RMST: variants seen among roughly 807,000 people sequenced by gnomAD.
RMST encodes the protein rhabdomyosarcoma 2 associated transcript, also known as long intergenic non-protein coding RNA 54.
At chr12:97,514,817 G>T (rs1307359894) in intron 10 of RMST, among the ~76,000 whole-genome samples, 4 of 152,104 alleles carry the variant, frequency 2.6e-5, no homozygotes, top group African/African-American at 4.8e-5. Flanking sequence ...AATTAATAAT[G>T]AAGTTAATGA....
chr12:97,548,213 G>T (rs1883076108), intron 11 of RMST, among the ~76,000 whole-genome samples: 1 of 151,954 alleles, frequency 6.6e-6, no homozygotes, highest in Non-Finnish European at 1.5e-5. Flanking sequence ...AAATGGGTGG[G>T]TTTATTTCTG....
intron 10 of RMST, among the ~76,000 whole-genome samples, chr12:97,500,674 T>G (rs563445498): frequency 6.6e-6 from 1 of 152,294 alleles, no homozygotes; most frequent in African/African-American, 2.4e-5. Flanking sequence ...GATATTATGA[T>G]ATGCATTTTG....
chr12:97,469,963 T>C (rs570755352), intron 5 of RMST, among the ~76,000 whole-genome samples: 8 of 152,250 alleles, frequency 5.3e-5, no homozygotes, highest in African/African-American at 1.9e-4. Context: ...AACTGTATCA[T>C]TGTCTATTTC....
At chr12:97,531,183 A>T (rs1311734116) in intron 11 of RMST, among the ~76,000 whole-genome samples, 1 of 151,784 alleles carries the variant, frequency 6.6e-6, no homozygotes, top group Non-Finnish European at 1.5e-5. Flanking sequence ...GTAGCGTTGG[A>T]TTTATTTTGC....
intron 4 of RMST, among the ~76,000 whole-genome samples, chr12:97,464,363 A>T (rs1166939784): frequency 6.6e-6 from 1 of 152,208 alleles, no homozygotes; most frequent in Non-Finnish European, 1.5e-5. Context: ...CTGAATATGC[A>T]GTAATCGGGG....
intron 10 of RMST, among the ~76,000 whole-genome samples, chr12:97,499,905 T>C (rs1213950770): frequency 6.6e-6 from 1 of 152,160 alleles, no homozygotes; most frequent in African/African-American, 2.4e-5. Context: ...GCGATCTGCC[T>C]GCCTTGGCCT....
intron 10 of RMST, among the ~76,000 whole-genome samples, chr12:97,512,912 A>G (rs1041636966): frequency 2.6e-5 from 4 of 152,174 alleles, no homozygotes; most frequent in African/African-American, 9.6e-5. Context: ...GGCAGGCTGC[A>G]GGTCGGGAGC....
chr12:97,488,237 A>G (rs1876347489), intron 5 of RMST, among the ~76,000 whole-genome samples: 1 of 152,178 alleles, frequency 6.6e-6, no homozygotes, highest in East Asian at 1.9e-4. Flanking sequence ...TACAAAAATT[A>G]GCTGGTGGTG....
At chr12:97,471,726 A>G (rs1579238) in intron 5 of RMST, among the ~76,000 whole-genome samples, 33,922 of 152,148 alleles carry the variant, frequency 0.22, 4,781 homozygotes, top group East Asian at 0.48. Context: ...CACAATGAGA[A>G]TAGCAAATGG....
At chr12:97,511,840 C>T (rs1190338751) in intron 10 of RMST, among the ~76,000 whole-genome samples, 2 of 152,156 alleles carry the variant, frequency 1.3e-5, no homozygotes, top group Non-Finnish European at 2.9e-5. Flanking sequence ...AGGGCCATTA[C>T]TTTATAGCAC....
chr12:97,513,735 A>G (rs1050779773), intron 10 of RMST, among the ~76,000 whole-genome samples: 2 of 152,208 alleles, frequency 1.3e-5, no homozygotes, highest in Non-Finnish European at 2.9e-5. Flanking sequence ...GATGCAAATC[A>G]AAAGGGGTAT....
At chr12:97,478,867 CT>C (rs1874870000) in intron 5 of RMST, among the ~76,000 whole-genome samples, 1 of 152,100 alleles carries the variant, frequency 6.6e-6, no homozygotes, top group South Asian at 2.1e-4. Context: ...GCCTGCCATC[CT>C]AGGACCAGGG....
At chr12:97,518,836 A>G (rs1282138521) in intron 10 of RMST, among the ~76,000 whole-genome samples, 1 of 152,102 alleles carries the variant, frequency 6.6e-6, no homozygotes, top group East Asian at 1.9e-4. Flanking sequence ...CAGTGGTGCA[A>G]TCATGGCTCA....
At chr12:97,529,014 A>G (rs1027952174) in intron 10 of RMST, among the ~76,000 whole-genome samples, 3 of 152,034 alleles carry the variant, frequency 2.0e-5, no homozygotes, top group Non-Finnish European at 4.4e-5. Context: ...ATTTCTTACT[A>G]TCAGCCCAAG....
intron 13 of RMST, chr12:97,563,274 G>C (rs1395646694): frequency 6.2e-6 from 1 of 160,480 alleles, no homozygotes; most frequent in African/African-American, 2.4e-5. Flanking sequence ...TTAGCACATA[G>C]TATGCTATAC....
At chr12:97,534,678 C>A (rs746847983) in intron 11 of RMST, among the ~76,000 whole-genome samples, 5 of 151,650 alleles carry the variant, frequency 3.3e-5, no homozygotes, top group Non-Finnish European at 7.4e-5. Context: ...CATTTTATTT[C>A]TTTATGTTGC....
chr12:97,500,857 A>G (rs1317136913), intron 10 of RMST, among the ~76,000 whole-genome samples: 1 of 152,234 alleles, frequency 6.6e-6, no homozygotes, highest in African/African-American at 2.4e-5. Context: ...TTAATTAACA[A>G]TCAACTATGG....
chr12:97,546,078 G>T (rs945614440), intron 11 of RMST, among the ~76,000 whole-genome samples: 13 of 152,054 alleles, frequency 8.5e-5, no homozygotes, highest in African/African-American at 2.4e-5. Flanking sequence ...AGCTGAAGGA[G>T]ATACGCCTCA....
chr12:97,538,749 A>G (rs1261807636), intron 11 of RMST, among the ~76,000 whole-genome samples: 1 of 151,496 alleles, frequency 6.6e-6, no homozygotes, highest in African/African-American at 2.4e-5. Context: ...ATTACCAAAA[A>G]TTGAATTATT....
Sources: allele counts gnomAD v4.1 joint callset (sites outside exome capture counted in the v4.1 genomes callset), GRCh38; gene constraint gnomAD v4.1.1; transcripts MANE v1.5; gene names NCBI Gene and HGNC (gene_info 2026-07-23, HGNC 2026-07-21).